The following ZDHHC18 variants were observed in gnomAD, a reference collection of about 807,000 sequenced individuals.
The protein encoded by ZDHHC18 is palmitoyltransferase ZDHHC18.
ZDHHC18 carries 23 observed loss-of-function variants against 37.5 expected under a neutral mutation model. The observed-to-expected ratio is 0.61, with a 90% CI of 0.44 to 0.87. The LOEUF is 0.87. ZDHHC18 is among the 40% of genes least tolerant of loss of function. The pLI is 0.00. For synonymous variants in ZDHHC18, 185 were observed against 218.7 expected, an observed-to-expected ratio of 0.85 and a Z score of 1.36; for missense variants, 406 against 525.6, an observed-to-expected ratio of 0.77 and a Z score of 2.22.
intron 2 of ZDHHC18, among the ~76,000 whole-genome samples, chr1:26,846,290 G>GTGTATATA (rs1176068068): frequency 4.2e-5 from 2 of 47,858 alleles, no homozygotes; most frequent in Non-Finnish European, 6.8e-5. Flanking sequence ...GTGTGTGTGT[G>GTGTATATA]TATATATATA....
At chr1:26,827,598 A>G (rs1280330505) in intron 1 of ZDHHC18, among the ~76,000 whole-genome samples, 1 of 151,212 alleles carries the variant, frequency 6.6e-6, no homozygotes, top group Non-Finnish European at 1.5e-5. Context: ...CTTCCTGACC[A>G]CTTCTAGATC....
At position 26,850,292 on chromosome 1, in the gene ZDHHC18, C is replaced by T. The variant is rs2081695657; in HGVS notation, c.647-9C>T. ...CCACACTAACCCATCGCCCCTTGCCCTTGTCCAGAACGATTTGACCATCAC... is the reference window on the plus strand; with the variant it reads ...CCACACTAACCCATCGCCCCTTGCCTTTGTCCAGAACGATTTGACCATCAC... On this transcript the variant is annotated splice_polypyrimidine_tract_variant and intron_variant, in intron 3 of 7. Transcript: ENST00000374142. The surrounding 1 kb of genome is among the most constrained non-coding windows in gnomAD (Gnocchi z 6.1). 6.2e-7 allele frequency: 1 copy of T among 1,613,994 alleles called. No homozygotes were observed. Among genetic ancestry groups the T allele is most frequent in the Admixed American group, 1.7e-5 (1 of 60,008 alleles).
rs547648820 is a variant in ZDHHC18, at chr1:26,849,918, A to G, written c.647-383A>G. Among the ~76,000 whole-genome samples, 9 of 152,308 alleles carry G rather than the reference A, an allele frequency of 5.9e-5. No individual in the cohort carries two copies. In the East Asian group the frequency reaches 1.2e-3, roughly 20 times the overall value. ...TCGCCCATGGAGCTTACAGTCAAGT[A>G]GGGCTGATTGGCCAATCCAGTTATT... On this transcript the variant is annotated intron_variant, in intron 3 of 7. Coordinates refer to ENST00000374142, the MANE Select transcript of ZDHHC18 (RefSeq NM_032283.3).
In ZDHHC18 at chr1:26,839,813, G is replaced by T. The variant is rs561560720; in HGVS notation, c.496+7206G>T. On this transcript the variant is annotated intron_variant, in intron 2 of 7. Transcript: ENST00000374142. The stretch of plus-strand genomic sequence containing the variant: ...CGGTAGTGGCTGCCAGGAGGAGCAG[G>T]TTGAGGAGGATTCTGAGGCTGAGTT... Among the ~76,000 whole-genome samples the T allele has an allele frequency of 6.6e-5, 10 of 152,348 alleles. No homozygotes were observed. In the East Asian group the frequency reaches 1.9e-3, roughly 29 times the overall value.
At chr1:26,842,133 CAAAAA>C (rs958757844) in intron 2 of ZDHHC18, among the ~76,000 whole-genome samples, 1 of 100,056 alleles carries the variant, frequency 1.0e-5, no homozygotes, top group Non-Finnish European at 2.1e-5. Flanking sequence ...GACTCCATCT[CAAAAA>C]AAAAAAAAAA....
In ZDHHC18 at chr1:26,850,582, C is replaced by G; in HGVS notation, c.809C>G (p.Ser270Cys). The G allele has an allele frequency of 3.1e-6, 5 of 1,614,186 alleles. No homozygotes were observed. Among genetic ancestry groups the G allele is most frequent in the Non-Finnish European group, 4.2e-6 (5 of 1,180,020 alleles). Residue 270 changes from serine to cysteine, a missense_variant, in exon 5 of 8, where the codon TCC (serine) becomes TGC (cysteine). By Grantham distance (112) the Ser-to-Cys change is moderately radical. Coordinates refer to ENST00000374142, the MANE Select transcript of ZDHHC18 (RefSeq NM_032283.3). The surrounding 1 kb of genome is among the most constrained non-coding windows in gnomAD (Gnocchi z 6.1). Reference sequence around the variant, plus strand: ...GGCGCTCAGGGAAGCAACTTCCTCTCCACTCTGAAGGAGACACCAGCAAGA... The same window carrying G: ...GGCGCTCAGGGAAGCAACTTCCTCTGCACTCTGAAGGAGACACCAGCAAGA... ...TLRAQGSNFL[S>C]TLKETPASVL...
intron 2 of ZDHHC18, among the ~76,000 whole-genome samples, chr1:26,842,888 C>A (rs560244332): frequency 6.6e-6 from 1 of 152,348 alleles, no homozygotes; most frequent in South Asian, 2.1e-4. Context: ...CATTATCTGG[C>A]AAACAATGCA....
At chr1:26,844,927 T>G (rs767638659) in intron 2 of ZDHHC18, among the ~76,000 whole-genome samples, 28 of 109,242 alleles carry the variant, frequency 2.6e-4, no homozygotes, top group South Asian at 5.4e-4. Context: ...TTTTTTTTGG[T>G]TTTTTTTTTT....
chr1:26,836,616 T>C (rs2081613097), intron 2 of ZDHHC18, among the ~76,000 whole-genome samples: 2 of 149,852 alleles, frequency 1.3e-5, no homozygotes, highest in Non-Finnish European at 3.0e-5. Flanking sequence ...TTGCCCAGGC[T>C]GGAGTGCAGT....
chr1:26,846,207 C>T (rs1244295579), intron 2 of ZDHHC18, among the ~76,000 whole-genome samples: 4 of 24,216 alleles, frequency 1.7e-4, no homozygotes, highest in East Asian at 1.6e-3. Context: ...CATATATACA[C>T]GTATATACAT....
intron 2 of ZDHHC18, among the ~76,000 whole-genome samples, chr1:26,838,971 G>A (rs2081625797): frequency 6.6e-6 from 1 of 152,254 alleles, no homozygotes. Flanking sequence ...CTGCAGTCCT[G>A]CAGCTGTTTC....
chr1:26,835,339 G>T (rs2081606671), intron 2 of ZDHHC18, among the ~76,000 whole-genome samples: 1 of 152,244 alleles, frequency 6.6e-6, no homozygotes. Flanking sequence ...GGAGGCCTTT[G>T]AATTCTCAAA....
At chr1:26,835,506 T>C (rs1267122932) in intron 2 of ZDHHC18, among the ~76,000 whole-genome samples, 1 of 152,098 alleles carries the variant, frequency 6.6e-6, no homozygotes, top group African/African-American at 2.4e-5. Context: ...ATTGAGACCA[T>C]CCTGGCCAAC....
chr1:26,846,345 G>A, intron 2 of ZDHHC18, among the ~76,000 whole-genome samples: 1 of 21,872 alleles, frequency 4.6e-5, no homozygotes, highest in African/African-American at 1.4e-4. Flanking sequence ...TTTTTTTTTT[G>A]AGGCAGAGTC....
chr1:26,830,770 TTTGTTG>T (rs67399497), intron 1 of ZDHHC18, among the ~76,000 whole-genome samples: 105,820 of 150,440 alleles, frequency 0.7, 38,060 homozygotes, highest in East Asian at 1. Context: ...TTTATGTTTG[TTTGTTG>T]TTGTTGTTGT....
intron 2 of ZDHHC18, among the ~76,000 whole-genome samples, chr1:26,843,203 C>T (rs555311280): frequency 2.0e-5 from 3 of 149,232 alleles, no homozygotes; most frequent in South Asian, 2.1e-4. Context: ...AATGCAATGG[C>T]GACTGTTCAG....
rs910922508 is a variant in ZDHHC18, at chr1:26,856,816, T to A, written c.*2973T>A. The A allele has an allele frequency of 3.9e-5, 6 of 153,492 alleles. No homozygotes were observed. Among genetic ancestry groups the A allele is most frequent in the African/African-American group, 1.4e-4 (6 of 41,468 alleles). The allele number at this position is 153,492 out of a possible 1,614,324, so 9.5% of individuals were successfully genotyped here. A position where few individuals can be genotyped will look rare whatever the true frequency, so the allele number is the denominator to read the frequency against. On this transcript the variant is annotated 3_prime_UTR_variant, in exon 8 of 8. Coordinates refer to ENST00000374142, the MANE Select transcript of ZDHHC18 (RefSeq NM_032283.3). This position sits in a 1 kb window ranked among gnomAD's most constrained non-coding sequence, Gnocchi z 5.2. The stretch of plus-strand genomic sequence containing the variant: ...CCAGGCCTGCTAACCCTCTCTCTTC[T>A]CCTTCTTTGCTGTCCTGCCGGGGAT...
intron 2 of ZDHHC18, among the ~76,000 whole-genome samples, chr1:26,834,643 C>A (rs2081603133): frequency 6.6e-6 from 1 of 152,194 alleles, no homozygotes; most frequent in Non-Finnish European, 1.5e-5. Flanking sequence ...GCATGGAATT[C>A]CAGCATCTTG....
At chr1:26,827,274 C>T (rs1416071206) in intron 1 of ZDHHC18, 135 bp downstream of exon 1, 9 of 741,406 alleles carry the variant, frequency 1.2e-5, no homozygotes, top group Middle Eastern at 4.5e-4. Flanking sequence ...GGATCCTCCT[C>T]GGGCCTCTTG....
Sources: allele counts gnomAD v4.1 joint callset (sites outside exome capture counted in the v4.1 genomes callset), GRCh38; gene constraint gnomAD v4.1.1; non-coding constraint Gnocchi (gnomAD v3.1); transcripts MANE v1.5; gene names NCBI Gene and HGNC (gene_info 2026-07-23, HGNC 2026-07-21).